PTPRA: variants seen among roughly 807,000 people sequenced by gnomAD.
PTPRA encodes protein tyrosine phosphatase receptor type A, also known as receptor-type tyrosine-protein phosphatase alpha.
In PTPRA, 25 loss-of-function variants were observed where a neutral mutation model predicts 104.8. The observed-to-expected ratio is 0.24, with a 90% CI of 0.17 to 0.33. The LOEUF (loss-of-function observed/expected upper bound fraction) is 0.33, where lower values mean the gene tolerates loss of function less well. Ranked by LOEUF, PTPRA falls within the 10% of genes least tolerant of loss-of-function variation. PTPRA has a pLI of 1.00. For missense variants in PTPRA, 765 were observed against 1,015.3 expected (o/e 0.75, Z 3.35); for synonymous variants, 323 against 368.9 (o/e 0.88, Z 1.43).
At chr20:2,999,594 G>T (rs2063543640) in intron 9 of PTPRA, among the ~76,000 whole-genome samples, 1 of 152,212 alleles carries the variant, frequency 6.6e-6, no homozygotes, top group South Asian at 2.1e-4. Context: ...TGCTCTTGCA[G>T]TTTGGGTGGG....
At chr20:2,956,895 G>A (rs1036905433) in intron 3 of PTPRA, among the ~76,000 whole-genome samples, 1 of 152,146 alleles carries the variant, frequency 6.6e-6, no homozygotes, top group Admixed American at 6.5e-5. Context: ...TAATTCTGAT[G>A]AATATTTATA....
rs374102362 is a variant in PTPRA, at chr20:3,037,014, C to T, written c.2199-140C>T. ...GGGTACACTGCCTCCCGACCCAGAA[C>T]CCCTCCAGGCTGGTGGGTCCACAGG... On this transcript the variant is annotated intron_variant, in intron 22 of 23. Transcript: ENST00000399903. This position sits in a 1 kb window ranked among gnomAD's most constrained non-coding sequence, Gnocchi z 4.3. 1.7e-6 allele frequency: 2 copies of T among 1,194,478 alleles called. No individual in the cohort carries two copies. Among genetic ancestry groups the T allele is most frequent in the East Asian group, 2.4e-5 (1 of 41,964 alleles). The allele number at this position is 1,194,478 out of a possible 1,614,324, so 74.0% of individuals were successfully genotyped here.
chr20:2,910,239 TTATA>T (rs1459580394), intron 1 of PTPRA, among the ~76,000 whole-genome samples: 1 of 98,046 alleles, frequency 1.0e-5, no homozygotes, highest in African/African-American at 3.8e-5. Context: ...GTATTGTATA[TTATA>T]TATAATATAT....
At chr20:3,032,844 G>A (rs1479691103) in intron 20 of PTPRA, among the ~76,000 whole-genome samples, 10 of 150,434 alleles carry the variant, frequency 6.6e-5, no homozygotes, top group South Asian at 2.1e-4. Context: ...GCCCCACTGG[G>A]ACTGCTTTAG....
chr20:2,952,126 G>GAA (rs202227784), intron 3 of PTPRA, among the ~76,000 whole-genome samples: 34 of 140,286 alleles, frequency 2.4e-4, no homozygotes, highest in East Asian at 6.2e-4. Flanking sequence ...CTCAAAAAAA[G>GAA]AAAAAAAAAA....
intron 2 of PTPRA, among the ~76,000 whole-genome samples, chr20:2,930,933 T>A (rs574224475): frequency 1.3e-5 from 2 of 152,318 alleles, no homozygotes; most frequent in Admixed American, 1.3e-4. Flanking sequence ...AAATCTATTG[T>A]TTATTCAGTG....
At position 3,038,206 on chromosome 20, in the gene PTPRA, C is replaced by T. The variant is rs1430978461; in HGVS notation, c.*73C>T. ...TAATATTCTGTTTTGTTAATATACC[C>T]CAAATTGTGTATATATCTTATAACT... On this transcript the variant is annotated 3_prime_UTR_variant, in exon 24 of 24. Transcript: ENST00000399903. The T allele has an allele frequency of 7.9e-6, 11 of 1,392,038 alleles. 1 individual carries two copies. The South Asian group carries it at 9.5e-5, about 12-fold the overall frequency. 86.2% of individuals were successfully genotyped at this position (1,392,038 alleles called of 1,614,324 possible). A position where few individuals can be genotyped will look rare whatever the true frequency, so the allele number is the denominator to read the frequency against.
At chr20:2,878,021 C>T (rs113935097) in intron 1 of PTPRA, among the ~76,000 whole-genome samples, 1,878 of 152,026 alleles carry the variant, frequency 0.012, 21 homozygotes, top group Non-Finnish European at 0.018. Context: ...TGTGGTGGCG[C>T]GTGCCTGTAA....
chr20:3,034,923 A>C (rs2065723953), intron 20 of PTPRA, among the ~76,000 whole-genome samples: 1 of 152,150 alleles, frequency 6.6e-6, no homozygotes, highest in African/African-American at 2.4e-5. Context: ...TTCATTTACC[A>C]GATACTGAGA....
At chr20:2,868,408 CCCT>C in the PTPRA span, among the ~76,000 whole-genome samples, 1 of 148,272 alleles carries the variant, frequency 6.7e-6, no homozygotes, top group Non-Finnish European at 1.5e-5. Context: ...AAGCAGTCCT[CCCT>C]CCTCAGCATC....
At chr20:2,902,530 A>G (rs1207892508) in intron 1 of PTPRA, among the ~76,000 whole-genome samples, 2 of 152,204 alleles carry the variant, frequency 1.3e-5, no homozygotes, top group Admixed American at 6.5e-5. Flanking sequence ...TTTTAAAAGC[A>G]TGAGATTCTT....
intron 11 of PTPRA, among the ~76,000 whole-genome samples, chr20:3,015,553 A>G (rs1161156856): frequency 1.3e-5 from 2 of 151,836 alleles, no homozygotes; most frequent in East Asian, 3.8e-4. Context: ...TGATCCGCCC[A>G]CCTTGGCCTC....
At chr20:2,992,554 G>A (rs1051460342) in intron 9 of PTPRA, among the ~76,000 whole-genome samples, 2 of 152,120 alleles carry the variant, frequency 1.3e-5, no homozygotes, top group African/African-American at 2.4e-5. Context: ...CCTAGTTTAC[G>A]ATGGGGAGTT....
At chr20:2,899,832 C>T (rs2059159300) in intron 1 of PTPRA, among the ~76,000 whole-genome samples, 1 of 152,128 alleles carries the variant, frequency 6.6e-6, no homozygotes. Context: ...TGAGGCCAGG[C>T]ACAGTGGCTC....
chr20:2,907,702 A>T (rs1246475575), intron 1 of PTPRA, among the ~76,000 whole-genome samples: 1 of 152,140 alleles, frequency 6.6e-6, no homozygotes, highest in Non-Finnish European at 1.5e-5. Context: ...CTAATTCTTC[A>T]GTTGTTTTAA....
chr20:3,008,909 C>T (rs1186607083), intron 11 of PTPRA, among the ~76,000 whole-genome samples: 1 of 145,232 alleles, frequency 6.9e-6, no homozygotes, highest in Non-Finnish European at 1.5e-5. Flanking sequence ...GAGACTGTCT[C>T]AAAAAAAAAG....
intron 13 of PTPRA, among the ~76,000 whole-genome samples, chr20:3,018,299 A>G (rs1246926008): frequency 3.9e-5 from 6 of 152,226 alleles, no homozygotes; most frequent in Middle Eastern, 3.4e-3. Context: ...TCACAGGACA[A>G]TAGTGGAGGG....
At chr20:3,031,385 C>T (rs950911326) in intron 20 of PTPRA, among the ~76,000 whole-genome samples, 14 of 151,900 alleles carry the variant, frequency 9.2e-5, no homozygotes, top group Admixed American at 9.2e-4. Context: ...AGCTTTTCTT[C>T]TACTGGTCTT....
chr20:2,987,783 T>C (rs2062969103), intron 7 of PTPRA: 1 of 553,770 alleles, frequency 1.8e-6, no homozygotes, highest in Admixed American at 2.4e-5. Context: ...GTGAGCCACA[T>C]GAGCCTGAAT....
Sources: allele counts gnomAD v4.1 joint callset (sites outside exome capture counted in the v4.1 genomes callset), GRCh38; gene constraint gnomAD v4.1.1; non-coding constraint Gnocchi (gnomAD v3.1); transcripts MANE v1.5; gene names NCBI Gene and HGNC (gene_info 2026-07-23, HGNC 2026-07-21).